RPRD1B: variants seen among roughly 807,000 people sequenced by gnomAD.
RPRD1B encodes the protein regulation of nuclear pre-mRNA domain-containing protein 1B.
Under a neutral mutation model 41.5 loss-of-function variants are expected in RPRD1B, and 11 were observed. That is an observed-to-expected ratio of 0.27 (90% CI 0.17 to 0.44). RPRD1B has a LOEUF of 0.44. RPRD1B is among the 20% of genes least tolerant of loss of function. The pLI, the probability that RPRD1B is intolerant of heterozygous loss-of-function variation, is 1.00. For missense variants in RPRD1B, 248 were observed against 389.9 expected (o/e 0.64, Z 3.06); for synonymous variants, 158 against 155.6 (o/e 1.02, Z -0.12).
At chr20:38,066,333 TTTAA>T (rs1457552731) in intron 6 of RPRD1B, 77 bp downstream of exon 6, 2 of 1,284,072 alleles carry the variant, frequency 1.6e-6, no homozygotes, top group Non-Finnish European at 2.2e-6. Context: ...TTTATTATGC[TTTAA>T]TTAACAACAT....
chr20:38,052,360 A>T (rs965849006), intron 3 of RPRD1B, among the ~76,000 whole-genome samples: 1 of 152,176 alleles, frequency 6.6e-6, no homozygotes, highest in African/African-American at 2.4e-5. Context: ...AGCTAAGAGT[A>T]TGAGTTCTAG....
chr20:38,081,278 C>T (rs531367999), intron 6 of RPRD1B, among the ~76,000 whole-genome samples: 1 of 151,540 alleles, frequency 6.6e-6, no homozygotes, highest in South Asian at 2.1e-4. Flanking sequence ...CGAGATTTTT[C>T]ACCTCCCTGA....
At position 38,066,200 on chromosome 20, in the gene RPRD1B, G is replaced by C; in HGVS notation, c.775G>C (p.Val259Leu). Residue 259 changes from valine to leucine, a missense_variant, in exon 6 of 7, where the codon GTG (valine) becomes CTG (leucine). Physicochemically the swap from Val to Leu is conservative, Grantham distance 32 (BLOSUM62 1). Around this residue, in one of 5 missense-constraint regions of RPRD1B, gnomAD observed 93 missense variants for 167.2 expected, o/e 0.56. Coordinates refer to ENST00000373433, the MANE Select transcript of RPRD1B (RefSeq NM_021215.4). ...CCGTCGCCAGCTGGCTCGGATGTTG[G>C]TGGAGTATACCCAGAATCAGAAAGA... ...EDRRQLARML[V>L]EYTQNQKDVL... 2 of 1,614,230 alleles carry C rather than the reference G, an allele frequency of 1.2e-6. No homozygotes were observed. The highest frequency in any genetic ancestry group is 8.5e-7 in the Non-Finnish European group (1 of 1,180,046).
rs141119101 is a variant in RPRD1B, at chr20:38,078,749, C to T, written c.832-10977C>T. On this transcript the variant is annotated intron_variant, in intron 6 of 6. Transcript: ENST00000373433. ...CTCGATGGACTTCTTCTCACTAAGC[C>T]TATAGCTTGATGGACTGACTGGACT... Among the ~76,000 whole-genome samples, 26 of 152,254 alleles carry T rather than the reference C, an allele frequency of 1.7e-4. No individual in the cohort carries two copies. In the East Asian group the frequency reaches 5.0e-3, roughly 29 times the overall value.
intron 3 of RPRD1B, among the ~76,000 whole-genome samples, chr20:38,055,935 A>G (rs1568650581): frequency 2.0e-5 from 3 of 152,200 alleles, no homozygotes; most frequent in Non-Finnish European, 4.4e-5. Context: ...TTAATATGCC[A>G]TGGTAACTGA....
At chr20:38,065,472 A>G (rs1374771619) in intron 5 of RPRD1B, among the ~76,000 whole-genome samples, 1 of 152,194 alleles carries the variant, frequency 6.6e-6, no homozygotes, top group Non-Finnish European at 1.5e-5. Context: ...AGGCCCTTAA[A>G]TGGTGTCGGA....
intron 6 of RPRD1B, among the ~76,000 whole-genome samples, chr20:38,074,645 T>C (rs2074442184): frequency 6.6e-6 from 1 of 152,234 alleles, no homozygotes; most frequent in South Asian, 2.1e-4. Context: ...ATTTTTCATA[T>C]TTATGGAATG....
intron 6 of RPRD1B, among the ~76,000 whole-genome samples, chr20:38,088,278 T>G (rs1283345116): frequency 6.6e-6 from 1 of 152,230 alleles, no homozygotes; most frequent in Non-Finnish European, 1.5e-5. Flanking sequence ...TCCCAGACAT[T>G]CTCTAGCTTC....
In RPRD1B at chr20:38,038,490, G is replaced by GTTTTTTTTTTTTTTTTTTTTTT. The variant is rs150397040; in HGVS notation, c.152-1942_152-1921dup. ...ACGCCCGGCTGATTTTTTTTGTTTTGTTTTTTTTTTTTTTTTTTTTTTTTG... is the reference window on the plus strand; with the variant it reads ...ACGCCCGGCTGATTTTTTTTGTTTTGTTTTTTTTTTTTTTTTTTTTTTTTTTTTTTTTTTTTTTTTTTTTTTG... On this transcript the variant is annotated intron_variant, in intron 1 of 6. Coordinates refer to ENST00000373433, the MANE Select transcript of RPRD1B (RefSeq NM_021215.4). Among the ~76,000 whole-genome samples the GTTTTTTTTTTTTTTTTTTTTTT allele has an allele frequency of 3.9e-5, 3 of 76,788 alleles. 1 individual carries two copies. The highest frequency in any genetic ancestry group is 1.4e-4 in the African/African-American group (3 of 20,718). 50.4% of individuals were successfully genotyped at this position (76,788 alleles called of 152,430 possible). A position where few individuals can be genotyped will look rare whatever the true frequency, so the allele number is the denominator to read the frequency against.
chr20:38,038,392 C>T (rs2074025286), intron 1 of RPRD1B, among the ~76,000 whole-genome samples: 2 of 151,498 alleles, frequency 1.3e-5, no homozygotes, highest in South Asian at 4.2e-4. Flanking sequence ...TCACTGCAAC[C>T]TCCGCCTCCC....
At chr20:38,034,678 T>C (rs1045032335) in intron 1 of RPRD1B, among the ~76,000 whole-genome samples, 2 of 152,216 alleles carry the variant, frequency 1.3e-5, no homozygotes, top group African/African-American at 4.8e-5. Flanking sequence ...CCCTGTGAAG[T>C]AGGTAGTCTC....
At chr20:38,071,062 TCTGA>T (rs781623822) in intron 6 of RPRD1B, among the ~76,000 whole-genome samples, 8 of 152,166 alleles carry the variant, frequency 5.3e-5, no homozygotes, top group Non-Finnish European at 1.2e-4. Context: ...GATCATGGTG[TCTGA>T]CTGTCAGCGA....
chr20:38,044,413 G>A (rs1271752181), intron 2 of RPRD1B, among the ~76,000 whole-genome samples: 2 of 136,400 alleles, frequency 1.5e-5, no homozygotes, highest in Non-Finnish European at 3.0e-5. Context: ...TCACTCTGTC[G>A]CCCAGGCTGG....
At chr20:38,053,820 CAT>C (rs1351006313) in intron 3 of RPRD1B, among the ~76,000 whole-genome samples, 11 of 152,276 alleles carry the variant, frequency 7.2e-5, no homozygotes, top group East Asian at 5.8e-4. Context: ...ATTTACATAT[CAT>C]GTGTACATTG....
chr20:38,057,993 G>A (rs1281871328), intron 4 of RPRD1B, among the ~76,000 whole-genome samples: 1 of 152,176 alleles, frequency 6.6e-6, no homozygotes, highest in Non-Finnish European at 1.5e-5. Flanking sequence ...CCAGTAGCAT[G>A]GTAGTTTTAT....
chr20:38,057,333 A>G (rs2074253655), intron 3 of RPRD1B, among the ~76,000 whole-genome samples, 199 bp from the exon 4 acceptor site: 1 of 152,210 alleles, frequency 6.6e-6, no homozygotes, highest in Admixed American at 6.5e-5. Flanking sequence ...GAGATGACGG[A>G]CAAAGACCTG....
chr20:38,046,503 A>T (rs1227521628), intron 2 of RPRD1B, among the ~76,000 whole-genome samples: 1 of 152,224 alleles, frequency 6.6e-6, no homozygotes, highest in Non-Finnish European at 1.5e-5. Flanking sequence ...AAAGCGTGTA[A>T]ACAAAAAGTA....
chr20:38,034,482 A>T (rs1320763929), intron 1 of RPRD1B, among the ~76,000 whole-genome samples: 1 of 152,128 alleles, frequency 6.6e-6, no homozygotes, highest in Non-Finnish European at 1.5e-5. Context: ...GACTCTGCAG[A>T]TCGAGTCCTG....
At chr20:38,066,054 C>CT in intron 5 of RPRD1B, 27 bp from the exon 6 acceptor site, 1 of 1,607,648 alleles carries the variant, frequency 6.2e-7, no homozygotes, top group Non-Finnish European at 8.5e-7. Context: ...TATATTTTCT[C>CT]TATTTTTTGG....
Sources: gnomAD v4.1 joint callset for allele counts (sites outside exome capture counted in the v4.1 genomes callset) on GRCh38, gnomAD v4.1.1 for gene constraint, gnomAD v4.1.1 regional missense constraint, MANE v1.5 for transcripts, NCBI Gene and HGNC (gene_info 2026-07-23, HGNC 2026-07-21) for gene names.